Variants in NRG3 observed in about 807,000 individuals in gnomAD.
NRG3 encodes the protein pro-neuregulin-3, membrane-bound isoform.
A neutral mutation model predicts 66.9 loss-of-function variants in NRG3; 31 were observed. The observed-to-expected ratio is 0.46, with a 90% confidence interval of 0.35 to 0.63. NRG3 has a LOEUF of 0.63. Ranked by LOEUF, NRG3 falls within the 20% of genes least tolerant of loss-of-function variation. The pLI is 0.00. For missense variants in NRG3, 910 were observed against 878.9 expected, an observed-to-expected ratio of 1.04 and a Z score of -0.45; for synonymous variants, 393 against 359.4, an observed-to-expected ratio of 1.09 and a Z score of -1.06.
intron 1 of NRG3, among the ~76,000 whole-genome samples, chr10:82,096,231 C>T (rs940679796): frequency 2.6e-5 from 4 of 152,164 alleles, no homozygotes; most frequent in Admixed American, 2.6e-4. Context: ...AATCCCAGCA[C>T]TTTGGGAGGC....
At chr10:82,843,978 A>G (rs1310212436) in intron 3 of NRG3, among the ~76,000 whole-genome samples, 1 of 152,216 alleles carries the variant, frequency 6.6e-6, no homozygotes, top group African/African-American at 2.4e-5. Context: ...AAACATAATT[A>G]TAATTGAAAC....
At chr10:82,335,144 G>A (rs964704143) in intron 1 of NRG3, among the ~76,000 whole-genome samples, 15 of 152,210 alleles carry the variant, frequency 9.9e-5, no homozygotes, top group African/African-American at 3.6e-4. Flanking sequence ...TATTCAGACT[G>A]AGAATGCTTA....
intron 1 of NRG3, among the ~76,000 whole-genome samples, chr10:81,994,133 C>T (rs1414964939): frequency 2.0e-5 from 3 of 152,120 alleles, no homozygotes; most frequent in Non-Finnish European, 4.4e-5. Context: ...CAGTTTCATT[C>T]CTCTCAGTAG....
At chr10:82,226,976 T>G (rs1033900632) in intron 1 of NRG3, among the ~76,000 whole-genome samples, 1 of 152,150 alleles carries the variant, frequency 6.6e-6, no homozygotes, top group Non-Finnish European at 1.5e-5. Flanking sequence ...GATAGGAAAT[T>G]TGTCTTGTCT....
chr10:82,284,232 C>A (rs2079284505), intron 1 of NRG3, among the ~76,000 whole-genome samples: 1 of 152,186 alleles, frequency 6.6e-6, no homozygotes, highest in South Asian at 2.1e-4. Flanking sequence ...TGCCAGCAAG[C>A]CCTTTGCTAC....
At chr10:82,833,386 C>T (rs773481758) in intron 3 of NRG3, among the ~76,000 whole-genome samples, 95 of 152,196 alleles carry the variant, frequency 6.2e-4, no homozygotes, top group African/African-American at 2.1e-3. Flanking sequence ...ACTCAGTTCC[C>T]GAGTGCGGTA....
intron 2 of NRG3, among the ~76,000 whole-genome samples, chr10:82,617,657 A>T (rs983884974): frequency 3.9e-5 from 6 of 152,184 alleles, no homozygotes; most frequent in African/African-American, 1.4e-4. Context: ...AAACAATGTC[A>T]AAATGAGCAC....
At chr10:82,402,232 G>T (rs1015254797) in intron 2 of NRG3, among the ~76,000 whole-genome samples, 2 of 151,942 alleles carry the variant, frequency 1.3e-5, no homozygotes, top group African/African-American at 2.4e-5. Flanking sequence ...AGAATAAATA[G>T]TCATAGAAAT....
At chr10:82,685,620 A>G (rs1305070206) in intron 2 of NRG3, among the ~76,000 whole-genome samples, 1 of 152,210 alleles carries the variant, frequency 6.6e-6, no homozygotes, top group Non-Finnish European at 1.5e-5. Context: ...GTAAATTAAG[A>G]TAGCTTGCTG....
chr10:82,305,678 C>G (rs1005738021), intron 1 of NRG3, among the ~76,000 whole-genome samples: 1 of 151,566 alleles, frequency 6.6e-6, no homozygotes, highest in African/African-American at 2.4e-5. Context: ...ACTAATATAT[C>G]CTATAGGTAT....
chr10:82,450,496 T>G (rs927011454), intron 2 of NRG3, among the ~76,000 whole-genome samples: 1 of 152,120 alleles, frequency 6.6e-6, no homozygotes, highest in Admixed American at 6.6e-5. Flanking sequence ...ATCTACAACT[T>G]TTGACTGCTC....
chr10:82,331,805 T>C (rs2135279040), intron 1 of NRG3, among the ~76,000 whole-genome samples: 1 of 152,302 alleles, frequency 6.6e-6, no homozygotes, highest in Non-Finnish European at 1.5e-5. Flanking sequence ...TTTTCCAGTT[T>C]TGGAGCTGGA....
chr10:82,549,642 C>A (rs187710713), intron 2 of NRG3, among the ~76,000 whole-genome samples: 8 of 152,228 alleles, frequency 5.3e-5, no homozygotes, highest in Non-Finnish European at 8.8e-5. Context: ...TTGAGCATGT[C>A]CCTGGAGAAA....
At chr10:81,908,529 T>G in intron 1 of NRG3, among the ~76,000 whole-genome samples, 1 of 152,234 alleles carries the variant, frequency 6.6e-6, no homozygotes, top group East Asian at 1.9e-4. Flanking sequence ...TGTTAGAAGC[T>G]GATTCACTGG....
intron 1 of NRG3, among the ~76,000 whole-genome samples, chr10:82,271,001 T>C (rs2078565515): frequency 6.6e-6 from 1 of 152,220 alleles, no homozygotes; most frequent in South Asian, 2.1e-4. Context: ...GAGAATGATA[T>C]TGCCAGCCAG....
intron 1 of NRG3, among the ~76,000 whole-genome samples, chr10:82,334,372 A>C (rs909259156): frequency 6.6e-6 from 1 of 152,128 alleles, no homozygotes; most frequent in African/African-American, 2.4e-5. Flanking sequence ...AGGGAAAGGA[A>C]ACATGTAAAC....
At chr10:82,795,184 T>TA (rs2060748853) in intron 3 of NRG3, among the ~76,000 whole-genome samples, 1 of 152,202 alleles carries the variant, frequency 6.6e-6, no homozygotes, top group African/African-American at 2.4e-5. Flanking sequence ...GTATTTTTTA[T>TA]AAAAAAGCTT....
intron 2 of NRG3, among the ~76,000 whole-genome samples, chr10:82,619,521 A>G (rs1406430146): frequency 6.6e-6 from 1 of 152,212 alleles, no homozygotes; most frequent in Non-Finnish European, 1.5e-5. Flanking sequence ...TCAATTTCAG[A>G]TATTCAAGGG....
chr10:82,627,857 C>G (rs1038235733), intron 2 of NRG3, among the ~76,000 whole-genome samples: 2 of 152,192 alleles, frequency 1.3e-5, no homozygotes, highest in Non-Finnish European at 2.9e-5. Flanking sequence ...TATTCTCATA[C>G]AGTCATATGG....
Sources: allele counts gnomAD v4.1 joint callset (sites outside exome capture counted in the v4.1 genomes callset), GRCh38; gene constraint gnomAD v4.1.1; transcripts MANE v1.5; gene names NCBI Gene and HGNC (gene_info 2026-07-23, HGNC 2026-07-21).